The following GALNTL6 variants were observed in gnomAD, a reference collection of about 807,000 sequenced individuals.
The protein encoded by GALNTL6 is polypeptide N-acetylgalactosaminyltransferase-like 6.
In GALNTL6, 46 loss-of-function variants were observed where a neutral mutation model predicts 73.7. The observed-to-expected ratio is 0.62, with a 90% confidence interval of 0.49 to 0.80. The LOEUF (loss-of-function observed/expected upper bound fraction) is 0.80. Among genes scored for constraint, GALNTL6 ranks in the 30% least tolerant of loss-of-function variants. The pLI, the probability that GALNTL6 is intolerant of heterozygous loss-of-function variation, is 0.00. For missense variants in GALNTL6, 604 were observed against 755.0 expected (o/e 0.80, Z 2.34); for synonymous variants, 259 against 263.7 (o/e 0.98, Z 0.17).
chr4:172,148,588 T>A (rs1044014283), intron 2 of GALNTL6, among the ~76,000 whole-genome samples: 23 of 152,168 alleles, frequency 1.5e-4, no homozygotes, highest in Non-Finnish European at 1.5e-5. Flanking sequence ...TGTCAACTAT[T>A]TATATGTTTC....
In GALNTL6 at chr4:172,726,115, C is replaced by T. The variant is rs138613283; in HGVS notation, c.554-83246C>T. ...CACAGATATTCTGCTCTGCCAGTCC[C>T]GCTGAGGGTCCCAGTCGCTTACAGG... On this transcript the variant is annotated intron_variant, in intron 5 of 12. Coordinates refer to ENST00000506823, the MANE Select transcript of GALNTL6 (RefSeq NM_001034845.3). Among the ~76,000 whole-genome samples the T allele has an allele frequency of 7.8e-4, 119 of 152,188 alleles. 1 individual carries two copies. The South Asian group carries it at 0.016, about 20-fold the overall frequency.
intron 8 of GALNTL6, among the ~76,000 whole-genome samples, chr4:172,896,918 A>C (rs1746361051): frequency 6.6e-6 from 1 of 151,378 alleles, no homozygotes. Flanking sequence ...ATGCCTGTCA[A>C]AATGGCTCAG....
chr4:172,340,583 A>C (rs564889820), intron 4 of GALNTL6, among the ~76,000 whole-genome samples: 3 of 152,308 alleles, frequency 2.0e-5, no homozygotes, highest in African/African-American at 7.2e-5. Context: ...AAAGGTGAAA[A>C]ATATTTTGTA....
intron 3 of GALNTL6, among the ~76,000 whole-genome samples, chr4:172,287,553 T>A (rs576436242): frequency 6.6e-5 from 10 of 152,190 alleles, no homozygotes; most frequent in Non-Finnish European, 1.2e-4. Flanking sequence ...TAGAAATAAC[T>A]ACTACATTAA....
At chr4:171,829,439 C>A (rs2110821020) in intron 2 of GALNTL6, among the ~76,000 whole-genome samples, 1 of 152,228 alleles carries the variant, frequency 6.6e-6, no homozygotes, top group South Asian at 2.1e-4. Context: ...ATACAGCTTA[C>A]CCCGAGTCTT....
intron 7 of GALNTL6, among the ~76,000 whole-genome samples, chr4:172,874,557 G>GGGTAC (rs1415443298): frequency 3.9e-5 from 6 of 152,176 alleles, no homozygotes; most frequent in Non-Finnish European, 8.8e-5. Flanking sequence ...AAGAGAAGTT[G>GGGTAC]GGTACCTTTG....
intron 5 of GALNTL6, among the ~76,000 whole-genome samples, chr4:172,614,951 G>A (rs970912650): frequency 2.0e-5 from 3 of 152,150 alleles, no homozygotes; most frequent in Non-Finnish European, 2.9e-5. Flanking sequence ...TATTCCAGAA[G>A]AAACGTGTGC....
intron 2 of GALNTL6, among the ~76,000 whole-genome samples, chr4:172,048,503 G>A (rs1268776429): frequency 2.6e-5 from 4 of 152,056 alleles, no homozygotes; most frequent in African/African-American, 9.7e-5. Context: ...AATCATAGAT[G>A]CTACTATGAG....
intron 2 of GALNTL6, among the ~76,000 whole-genome samples, chr4:171,876,267 A>G (rs1452244142): frequency 6.6e-6 from 1 of 152,242 alleles, no homozygotes; most frequent in Non-Finnish European, 1.5e-5. Flanking sequence ...AGACGTCTTA[A>G]AACAAATTGC....
intron 2 of GALNTL6, among the ~76,000 whole-genome samples, chr4:171,829,203 C>T (rs987145528): frequency 5.3e-5 from 8 of 152,066 alleles, no homozygotes; most frequent in South Asian, 2.1e-4. Flanking sequence ...AATTCATCCA[C>T]GTCTCGTTAC....
intron 5 of GALNTL6, among the ~76,000 whole-genome samples, chr4:172,774,205 T>C (rs535150137): frequency 6.6e-6 from 1 of 152,304 alleles, no homozygotes; most frequent in African/African-American, 2.4e-5. Flanking sequence ...CTCAGAAATA[T>C]ACAGCATAAC....
At chr4:171,993,801 T>TAC (rs1200008409) in intron 2 of GALNTL6, among the ~76,000 whole-genome samples, 1 of 151,438 alleles carries the variant, frequency 6.6e-6, no homozygotes, top group East Asian at 1.9e-4. Flanking sequence ...TATATATATA[T>TAC]ACATATATAT....
At chr4:173,012,427 C>CA in intron 11 of GALNTL6, among the ~76,000 whole-genome samples, 1 of 152,304 alleles carries the variant, frequency 6.6e-6, no homozygotes, top group Non-Finnish European at 1.5e-5. Context: ...GTCCACAATA[C>CA]AATCCAGAGA....
chr4:172,835,833 G>A (rs188008808), intron 7 of GALNTL6, among the ~76,000 whole-genome samples: 1 of 152,278 alleles, frequency 6.6e-6, no homozygotes. Context: ...CCTCATAGAC[G>A]TGTCTCTGAA....
chr4:172,929,992 T>G (rs886090625), intron 8 of GALNTL6, among the ~76,000 whole-genome samples: 25 of 152,148 alleles, frequency 1.6e-4, no homozygotes, highest in African/African-American at 5.8e-4. Context: ...GTACAGCATC[T>G]AGGGCCAGGT....
intron 3 of GALNTL6, among the ~76,000 whole-genome samples, chr4:172,283,407 A>G (rs1228122826): frequency 6.6e-6 from 1 of 152,184 alleles, no homozygotes; most frequent in Non-Finnish European, 1.5e-5. Context: ...AATAAGTAAT[A>G]TGTCATATGA....
intron 2 of GALNTL6, among the ~76,000 whole-genome samples, chr4:171,922,045 C>T (rs78288651): frequency 0.04 from 6,022 of 151,710 alleles, 340 homozygotes; most frequent in African/African-American, 0.12. Flanking sequence ...ATTAATTTGG[C>T]TATGACAGAA....
chr4:173,014,388 T>G lies in GALNTL6; in HGVS notation c.1488+5094T>G, dbSNP rs1167055137. 2.6e-5 allele frequency among the ~76,000 whole-genome samples: 4 copies of G among 152,158 alleles called. No individual in the cohort carries two copies. In the East Asian group the frequency reaches 7.7e-4, roughly 29 times the overall value. ...CGGGGAGGAACCCCCTTGGTCTAGT[T>G]TGGCTGTTCCCACTCTGCAGGCCCA... On this transcript the variant is annotated intron_variant, in intron 11 of 12. Transcript: ENST00000506823.
intron 7 of GALNTL6, among the ~76,000 whole-genome samples, chr4:172,841,866 A>G (rs958478745): frequency 3.3e-5 from 5 of 152,182 alleles, no homozygotes; most frequent in African/African-American, 9.7e-5. Context: ...CTAGCATCCT[A>G]ACAAATATCA....
Sources: gnomAD v4.1 joint callset for allele counts (sites outside exome capture counted in the v4.1 genomes callset) on GRCh38, gnomAD v4.1.1 for gene constraint, MANE v1.5 for transcripts, NCBI Gene and HGNC (gene_info 2026-07-23, HGNC 2026-07-21) for gene names.